SLC9A9: variants seen among roughly 807,000 people sequenced by gnomAD.
SLC9A9 encodes solute carrier family 9 member A9, also known as sodium/hydrogen exchanger 9.
SLC9A9 carries 62 observed loss-of-function variants against 77.8 expected under a neutral mutation model. The ratio of observed to expected loss-of-function variants is 0.80; its 90% CI spans 0.65 to 0.98. SLC9A9 has a LOEUF of 0.98. SLC9A9 is among the 50% of genes least tolerant of loss of function. SLC9A9 has a pLI of 0.00. For missense variants in SLC9A9, 775 were observed against 774.9 expected (o/e 1.00, Z 0.00); for synonymous variants, 320 against 283.5 (o/e 1.13, Z -1.29).
At chr3:143,825,561 T>A (rs1049727465) in intron 2 of SLC9A9, among the ~76,000 whole-genome samples, 1 of 152,238 alleles carries the variant, frequency 6.6e-6, no homozygotes, top group Non-Finnish European at 1.5e-5. Flanking sequence ...TGTAGTATTA[T>A]CAACACAATT....
chr3:143,400,887 C>A (rs1314812181), intron 12 of SLC9A9, among the ~76,000 whole-genome samples: 1 of 152,054 alleles, frequency 6.6e-6, no homozygotes, highest in Middle Eastern at 3.2e-3. Context: ...AGAGTGAGTG[C>A]TTCCTTAGAT....
intron 14 of SLC9A9, among the ~76,000 whole-genome samples, chr3:143,319,956 G>A (rs928967094): frequency 2.0e-5 from 3 of 152,112 alleles, no homozygotes; most frequent in African/African-American, 7.2e-5. Flanking sequence ...ATGTTATATG[G>A]GCTGGTGCTG....
intron 14 of SLC9A9, among the ~76,000 whole-genome samples, chr3:143,312,539 G>C (rs890316536): frequency 1.3e-5 from 2 of 152,224 alleles, no homozygotes; most frequent in African/African-American, 2.4e-5. Flanking sequence ...ATGGGATCCA[G>C]TGAAGCCATC....
In SLC9A9 at chr3:143,832,230, A is replaced by T; in HGVS notation, c.176-9T>A. 2 of 1,607,880 alleles carry T rather than the reference A, an allele frequency of 1.2e-6. No individual in the cohort carries two copies. The highest frequency in any genetic ancestry group is 1.7e-5 in the Admixed American group (1 of 59,824). ...TAGTCCCATTATAAGGCCTAAAAAAAAAAGAATAAATAATGGTACTGGAGG... is the reference window on the plus strand; with the variant it reads ...TAGTCCCATTATAAGGCCTAAAAAATAAAGAATAAATAATGGTACTGGAGG... On this transcript the variant is annotated splice_polypyrimidine_tract_variant and intron_variant, in intron 1 of 15. Transcript: ENST00000316549.
intron 5 of SLC9A9, among the ~76,000 whole-genome samples, chr3:143,688,464 G>T (rs1286839144): frequency 6.6e-6 from 1 of 152,084 alleles, no homozygotes; most frequent in South Asian, 2.1e-4. Context: ...TGTGTGCAAA[G>T]GTGATGCAAA....
At chr3:143,615,676 C>A (rs2038091220) in intron 6 of SLC9A9, among the ~76,000 whole-genome samples, 1 of 152,076 alleles carries the variant, frequency 6.6e-6, no homozygotes, top group East Asian at 1.9e-4. Context: ...TAGCAAGTAT[C>A]ATTTGATGCG....
chr3:143,342,580 A>G (rs1292384252), intron 14 of SLC9A9, among the ~76,000 whole-genome samples: 1 of 152,212 alleles, frequency 6.6e-6, no homozygotes, highest in East Asian at 1.9e-4. Flanking sequence ...TAGCAACTAG[A>G]GCAGGACTCA....
chr3:143,777,316 T>TC (rs1184833144), intron 4 of SLC9A9, among the ~76,000 whole-genome samples: 1 of 152,168 alleles, frequency 6.6e-6, no homozygotes, highest in Non-Finnish European at 1.5e-5. Flanking sequence ...TATCAAACTC[T>TC]CTCTTCTGCC....
intron 5 of SLC9A9, among the ~76,000 whole-genome samples, chr3:143,670,281 G>A (rs11921970): frequency 1.3e-5 from 2 of 152,208 alleles, no homozygotes; most frequent in Non-Finnish European, 2.9e-5. Flanking sequence ...TGTGGAATGT[G>A]TATATTTTCC....
At chr3:143,274,775 GAAT>G (rs754776413) in intron 14 of SLC9A9, among the ~76,000 whole-genome samples, 11 of 152,126 alleles carry the variant, frequency 7.2e-5, no homozygotes, top group Non-Finnish European at 1.6e-4. Context: ...AACCATCTCA[GAAT>G]AATACTGATA....
intron 4 of SLC9A9, among the ~76,000 whole-genome samples, chr3:143,785,641 G>C (rs1471029013): frequency 6.6e-6 from 1 of 152,094 alleles, no homozygotes; most frequent in Non-Finnish European, 1.5e-5. Flanking sequence ...ATAGGTAACT[G>C]ATATACTCCC....
At chr3:143,760,735 A>T (rs1160148740) in intron 4 of SLC9A9, among the ~76,000 whole-genome samples, 1 of 152,222 alleles carries the variant, frequency 6.6e-6, no homozygotes, top group Non-Finnish European at 1.5e-5. Context: ...ACGAATAGGA[A>T]TCATCAATAT....
intron 12 of SLC9A9, among the ~76,000 whole-genome samples, chr3:143,389,558 C>G (rs946835830): frequency 1.3e-5 from 2 of 152,192 alleles, no homozygotes; most frequent in African/African-American, 4.8e-5. Flanking sequence ...CAAGGGACAT[C>G]CTGTTAAAAG....
At chr3:143,337,749 T>C (rs2031972887) in intron 14 of SLC9A9, among the ~76,000 whole-genome samples, 1 of 152,230 alleles carries the variant, frequency 6.6e-6, no homozygotes, top group African/African-American at 2.4e-5. Flanking sequence ...CAAACCTTGA[T>C]GCAGGTTCTT....
chr3:143,652,766 G>A (rs1043999498), intron 5 of SLC9A9, among the ~76,000 whole-genome samples: 7 of 98,768 alleles, frequency 7.1e-5, no homozygotes, highest in African/African-American at 2.3e-4. Context: ...TACCATCCTT[G>A]TATTCCTTAA....
chr3:143,813,883 G>T (rs1365940186), intron 2 of SLC9A9, among the ~76,000 whole-genome samples: 2 of 152,194 alleles, frequency 1.3e-5, no homozygotes. Flanking sequence ...AGATTAGTTT[G>T]CAGAGACCTC....
chr3:143,730,486 C>G (rs2108809564), intron 4 of SLC9A9, among the ~76,000 whole-genome samples: 1 of 152,304 alleles, frequency 6.6e-6, no homozygotes, highest in South Asian at 2.1e-4. Flanking sequence ...GTTCCTACTG[C>G]CTAGAACATC....
At chr3:143,507,580 T>C (rs1471491733) in intron 9 of SLC9A9, among the ~76,000 whole-genome samples, 1 of 152,214 alleles carries the variant, frequency 6.6e-6, no homozygotes, top group African/African-American at 2.4e-5. Context: ...TGTTGAAGCA[T>C]CATTATTAGC....
intron 9 of SLC9A9, chr3:143,503,670 A>G: frequency 2.4e-6 from 1 of 420,828 alleles, no homozygotes; most frequent in Non-Finnish European, 4.7e-6. Flanking sequence ...TGTTCTGGAG[A>G]GTCCTGCAGC....
Sources: gnomAD v4.1 joint callset for allele counts (sites outside exome capture counted in the v4.1 genomes callset) on GRCh38, gnomAD v4.1.1 for gene constraint, MANE v1.5 for transcripts, NCBI Gene and HGNC (gene_info 2026-07-23, HGNC 2026-07-21) for gene names.